TLK1: variants seen among roughly 807,000 people sequenced by gnomAD.
TLK1 encodes the protein serine/threonine-protein kinase tousled-like 1.
Under a neutral mutation model 105.3 loss-of-function variants are expected in TLK1, and 24 were observed. The ratio of observed to expected loss-of-function variants is 0.23; its 90% CI spans 0.17 to 0.32. The LOEUF is 0.32. Among genes scored for constraint, TLK1 ranks in the 10% least tolerant of loss-of-function variants. The probability of loss-of-function intolerance (pLI) is 1.00; values close to 1 mark genes in which losing one functional copy is unlikely to be tolerated. For synonymous variants in TLK1, 321 were observed against 310.4 expected (o/e 1.03, Z -0.36); for missense variants, 558 against 910.5 (o/e 0.61, Z 4.98).
chr2:171,078,655 A>G (rs968120493), intron 3 of TLK1, among the ~76,000 whole-genome samples: 1 of 152,228 alleles, frequency 6.6e-6, no homozygotes, highest in Non-Finnish European at 1.5e-5. Flanking sequence ...TTTGAGAACC[A>G]CAGCCTTGGG....
At chr2:171,059,223 T>C (rs559561832) in intron 4 of TLK1, among the ~76,000 whole-genome samples, 2 of 152,344 alleles carry the variant, frequency 1.3e-5, no homozygotes, top group African/African-American at 2.4e-5. Flanking sequence ...TCCATAATAA[T>C]TTCTCTGTAG....
intron 1 of TLK1, among the ~76,000 whole-genome samples, chr2:171,198,250 T>C (rs1388316792): frequency 6.6e-6 from 1 of 152,210 alleles, no homozygotes; most frequent in Non-Finnish European, 1.5e-5. Flanking sequence ...ATAAATGTAT[T>C]TGACATGCAT....
intron 3 of TLK1, among the ~76,000 whole-genome samples, chr2:171,079,271 CTCT>C (rs1688645041): frequency 6.6e-6 from 1 of 152,236 alleles, no homozygotes; most frequent in Non-Finnish European, 1.5e-5. Context: ...CGACTATCAT[CTCT>C]TCTTTGAAGG....
intron 1 of TLK1, among the ~76,000 whole-genome samples, chr2:171,158,542 G>A (rs719548): frequency 0.26 from 39,589 of 152,042 alleles, 5,394 homozygotes; most frequent in Middle Eastern, 0.34. Flanking sequence ...TATGTCCTCA[G>A]TATCCAGTTC....
intron 12 of TLK1, among the ~76,000 whole-genome samples, chr2:171,020,003 A>G (rs1685412355): frequency 6.6e-6 from 1 of 151,648 alleles, no homozygotes; most frequent in Admixed American, 6.6e-5. Flanking sequence ...GGTTGCAGCG[A>G]GCCAAGATCA....
In TLK1 at chr2:171,009,114, G is replaced by A. The variant is rs192546470; in HGVS notation, c.1417-2051C>T. Among the ~76,000 whole-genome samples the A allele has an allele frequency of 2.6e-5, 4 of 152,232 alleles. No homozygotes were observed. The East Asian group carries it at 7.7e-4, about 29-fold the overall frequency. ...AGCCCAAAGATCACTTTTGATGAAT[G>A]AGGAAGGTGAGGACCCTGACGTGTA... On this transcript the variant is annotated intron_variant, in intron 14 of 20. Transcript: ENST00000431350.
At chr2:171,118,913 G>A (rs1690542989) in intron 1 of TLK1, among the ~76,000 whole-genome samples, 1 of 152,002 alleles carries the variant, frequency 6.6e-6, no homozygotes, top group Admixed American at 6.6e-5. Context: ...GATGGATGGT[G>A]GCCACTCTTT....
chr2:171,013,467 T>C (rs1685028548), intron 13 of TLK1, among the ~76,000 whole-genome samples: 2 of 151,520 alleles, frequency 1.3e-5, no homozygotes, highest in African/African-American at 4.9e-5. Flanking sequence ...CACCATTCCC[T>C]GCTAAGTTTT....
chr2:171,112,848 A>C (rs527804536), intron 2 of TLK1, among the ~76,000 whole-genome samples: 1 of 152,212 alleles, frequency 6.6e-6, no homozygotes, highest in Non-Finnish European at 1.5e-5. Flanking sequence ...AAAATTCCTA[A>C]GAAGTCCATG....
In TLK1 at chr2:171,175,308, GAA is replaced by G. The variant is rs151190588; in HGVS notation, c.-6+55835_-6+55836del. 3.8e-3 allele frequency among the ~76,000 whole-genome samples: 556 copies of G among 146,282 alleles called. 6 individuals are homozygous for G. Among genetic ancestry groups the G allele is most frequent in the African/African-American group, 0.013 (514 of 39,836 alleles). ...AATCAACTAAAGATTAAAAACATTT[GAA>G]AAAAAAAAGAAATAGTAGTGGTTGC... On this transcript the variant is annotated intron_variant, in intron 1 of 20. Transcript: ENST00000521943.
chr2:171,148,810 G>A (rs1008760757), intron 1 of TLK1, among the ~76,000 whole-genome samples: 1 of 150,596 alleles, frequency 6.6e-6, no homozygotes, highest in African/African-American at 2.4e-5. Flanking sequence ...AACCCTGGAG[G>A]CAGAGGATGC....
intron 1 of TLK1, among the ~76,000 whole-genome samples, chr2:171,151,632 G>A (rs1237858539): frequency 8.6e-5 from 13 of 151,396 alleles, no homozygotes. Flanking sequence ...CCACCACCAC[G>A]CCCAGCTAAT....
intron 11 of TLK1, among the ~76,000 whole-genome samples, chr2:171,032,510 T>C (rs1559354351): frequency 6.6e-6 from 1 of 152,094 alleles, no homozygotes; most frequent in Non-Finnish European, 1.5e-5. Context: ...TCCAAAAGAA[T>C]ATAATACCTA....
intron 11 of TLK1, among the ~76,000 whole-genome samples, chr2:171,044,934 A>C (rs1305164314): frequency 6.6e-6 from 1 of 152,218 alleles, no homozygotes; most frequent in Non-Finnish European, 1.5e-5. Flanking sequence ...GGCAACTGGA[A>C]GACAAGGCAG....
At chr2:171,146,640 A>G (rs1012401035) in intron 1 of TLK1, among the ~76,000 whole-genome samples, 1 of 152,216 alleles carries the variant, frequency 6.6e-6, no homozygotes, top group African/African-American at 2.4e-5. Flanking sequence ...TGATAAAAAT[A>G]TTAAGTTCAA....
chr2:171,061,253 C>G, intron 3 of TLK1, 97 bp from the exon 4 acceptor site: 1 of 1,051,236 alleles, frequency 9.5e-7, no homozygotes, highest in African/African-American at 1.6e-5. Flanking sequence ...AAAAAAATAG[C>G]ATTCAGTAGT....
At chr2:171,215,004 G>A (rs1344069649) in intron 1 of TLK1, among the ~76,000 whole-genome samples, 2 of 151,750 alleles carry the variant, frequency 1.3e-5, no homozygotes, top group Admixed American at 6.6e-5. Flanking sequence ...ATAGTCATAT[G>A]ATCATGGCCC....
At chr2:171,129,487 T>A (rs1452551142) in intron 1 of TLK1, among the ~76,000 whole-genome samples, 5 of 152,142 alleles carry the variant, frequency 3.3e-5, no homozygotes, top group Non-Finnish European at 7.3e-5. Flanking sequence ...GTACTTTTTG[T>A]AAGAAGTCCA....
At chr2:171,044,661 T>A (rs1309629697) in intron 11 of TLK1, among the ~76,000 whole-genome samples, 1 of 151,930 alleles carries the variant, frequency 6.6e-6, no homozygotes, top group Non-Finnish European at 1.5e-5. Context: ...ATACGCAGAG[T>A]GAGAAATGTG....
Sources: gnomAD v4.1 joint callset for allele counts (sites outside exome capture counted in the v4.1 genomes callset) on GRCh38, gnomAD v4.1.1 for gene constraint, MANE v1.5 for transcripts, NCBI Gene and HGNC (gene_info 2026-07-23, HGNC 2026-07-21) for gene names.